Variants in SHKBP1 observed in about 807,000 individuals in gnomAD.
The protein encoded by SHKBP1 is SH3KBP1-binding protein 1.
Under a neutral mutation model 83.9 loss-of-function variants are expected in SHKBP1, and 71 were observed. The ratio of observed to expected loss-of-function variants is 0.85; its 90% confidence interval spans 0.70 to 1.03. SHKBP1 has a LOEUF of 1.03. Among genes scored for constraint, SHKBP1 ranks in the 50% least tolerant of loss-of-function variants. The pLI is 0.00. For synonymous variants in SHKBP1, 371 were observed against 398.0 expected (o/e 0.93, Z 0.81); for missense variants, 824 against 982.4 (o/e 0.84, Z 2.16).
intron 12 of SHKBP1, 125 bp downstream of exon 12, chr19:40,583,842 C>A (rs2081290331): frequency 1.4e-6 from 1 of 727,690 alleles, no homozygotes; most frequent in South Asian, 1.7e-5. Flanking sequence ...ATTCAACTCT[C>A]TCTCATTTTT....
intron 13 of SHKBP1, among the ~76,000 whole-genome samples, chr19:40,587,692 G>T (rs2081323487): frequency 1.3e-5 from 2 of 152,190 alleles, no homozygotes; most frequent in Non-Finnish European, 2.9e-5. Context: ...CTTGAGGCTA[G>T]GAGTGTGAGA....
chr19:40,577,321 G>A, intron 2 of SHKBP1, 37 bp downstream of exon 2: 1 of 1,613,864 alleles, frequency 6.2e-7, no homozygotes, highest in Non-Finnish European at 8.5e-7. Flanking sequence ...AGGGTAGGAG[G>A]GATGGAGAGG....
intron 12 of SHKBP1, among the ~76,000 whole-genome samples, chr19:40,586,371 C>CTTTCT (rs1168631111): frequency 2.1e-5 from 3 of 140,318 alleles, no homozygotes; most frequent in African/African-American, 7.8e-5. Flanking sequence ...TTCTTTCTTT[C>CTTTCT]TTTTTTTTTT....
rs199947662 is a variant in SHKBP1 at position 40,580,600 on chromosome 19, G to A, written c.597G>A (p.Val199=). 6 of 1,614,222 alleles carry A rather than the reference G, an allele frequency of 3.7e-6. No homozygotes were observed. The highest frequency in any genetic ancestry group is 5.1e-6 in the Non-Finnish European group (6 of 1,180,036). Residue 199 remains valine, a synonymous_variant, in exon 8 of 18, where the codon GTG becomes GTA. Transcript: ENST00000291842. The part of the protein sequence containing the change: ...QPEEPGMVRL[V]CGHHNWIAVA... ...AGGAGCCGGGGATGGTGCGCCTGGT[G>A]TGTGGACACCATAATTGGATCGCTG... is the stretch of plus-strand genomic sequence containing the variant.
intron 6 of SHKBP1, 36 bp from the exon 7 acceptor site, chr19:40,580,288 C>T: frequency 6.3e-7 from 1 of 1,584,776 alleles, no homozygotes; most frequent in Non-Finnish European, 8.6e-7. Flanking sequence ...GCCACGATTA[C>T]AATGACTGTT....
At chr19:40,578,266 A>G in intron 5 of SHKBP1, 54 bp downstream of exon 5, 2 of 1,564,008 alleles carry the variant, frequency 1.3e-6, no homozygotes, top group Non-Finnish European at 1.8e-6. Context: ...CAACTCTGTG[A>G]TGCTACCTGC....
intron 13 of SHKBP1, among the ~76,000 whole-genome samples, chr19:40,588,246 G>A (rs2081327585): frequency 6.6e-6 from 1 of 152,200 alleles, no homozygotes; most frequent in Non-Finnish European, 1.5e-5. Flanking sequence ...AGGGCTCCGA[G>A]CAGGGGAGGG....
chr19:40,589,244 A>C, intron 15 of SHKBP1, 66 bp downstream of exon 15: 1 of 1,426,922 alleles, frequency 7.0e-7, no homozygotes, highest in Non-Finnish European at 9.7e-7. Context: ...AGGTCAGGGG[A>C]GAAGGCAAGA....
rs1268030067 is a variant in SHKBP1 at position 40,580,858 on chromosome 19, G to C, written c.766G>C (p.Asp256His). 2 of 1,613,126 alleles carry C rather than the reference G, an allele frequency of 1.2e-6. No homozygotes were observed. Among genetic ancestry groups the C allele is most frequent in the South Asian group, 2.2e-5 (2 of 90,968 alleles). ...GCATGGTGGGGCTTTGGGTGAACAT[G>C]ACAAGATGGTGGCAGCAGCCACCGG... The part of the protein sequence containing the change: ...RVHGGALGEH[D>H]KMVAAATGSE... The change falls in exon 9 of 18, where the codon GAC (aspartate) becomes CAC (histidine). Residue 256 changes from aspartate (D) to histidine (H), a missense_variant. This residue lies in a region of SHKBP1 where 355 missense variants were observed against 386.4 expected (regional missense o/e 0.92). Transcript: ENST00000291842.
Position 40,588,765 on chromosome 19 carries a change from C to T in SHKBP1, c.1478C>T (p.Ala493Val), listed in dbSNP as rs1256146643. 3.7e-6 allele frequency: 6 copies of T among 1,613,504 alleles called. No individual in the cohort carries two copies. Among genetic ancestry groups the T allele is most frequent in the Non-Finnish European group, 5.1e-6 (6 of 1,180,030 alleles). ...ESADGHGGCS[A>V]GNDIGPYGER... is the part of the protein sequence containing the mutation. ...GCAGATGGGCATGGCGGCTGCAGTG[C>T]TGGCAATGACATTGGTGCCTACTGG... The change falls in exon 14 of 18, where the codon GCT becomes GTT. Residue 493 changes from alanine (A) to valine (V), a missense_variant. This residue lies in a region of SHKBP1 where 287 missense variants were observed against 322.9 expected (regional missense o/e 0.89). Transcript: ENST00000291842.
chr19:40,591,104 G>A lies in SHKBP1; in HGVS notation c.2021G>A (p.Gly674Glu). ...VERCQELVRSGPDLRRPPTPA... is the reference protein window; with the variant it reads ...VERCQELVRSEPDLRRPPTPA... ...CGCTGCCAGGAACTGGTGCGGAGTG[G>A]GCCAGACCTCCGACGGCCACCCACA... The change falls in exon 18 of 18, where the codon GGG becomes GAG. Residue 674 changes from glycine (G) to glutamate (E), a missense_variant. By Grantham distance (98) the Gly-to-Glu change is moderately conservative. Coordinates refer to ENST00000291842, the MANE Select transcript of SHKBP1 (RefSeq NM_138392.4). 6.2e-7 allele frequency: 1 copy of A among 1,610,836 alleles called. No homozygotes were observed.
intron 15 of SHKBP1, among the ~76,000 whole-genome samples, 185 bp downstream of exon 15, chr19:40,589,363 G>A (rs905316537): frequency 3.3e-5 from 5 of 149,988 alleles, no homozygotes; most frequent in Non-Finnish European, 5.9e-5. Context: ...GGTATCAAAG[G>A]TGTGACAGGT....
chr19:40,577,326 G>A (rs373079288), intron 2 of SHKBP1, 42 bp downstream of exon 2: 1 of 1,613,786 alleles, frequency 6.2e-7, no homozygotes, highest in African/African-American at 1.3e-5. Context: ...AGGAGGGATG[G>A]AGAGGGCGTG....
At chr19:40,579,929 A>G (rs1011837999) in intron 6 of SHKBP1, among the ~76,000 whole-genome samples, 1 of 144,148 alleles carries the variant, frequency 6.9e-6, no homozygotes, top group African/African-American at 2.6e-5. Flanking sequence ...GCTACTTGGG[A>G]GGCTGAGGCA....
At chr19:40,580,235 G>T in intron 6 of SHKBP1, 89 bp from the exon 7 acceptor site, 1 of 1,456,652 alleles carries the variant, frequency 6.9e-7, no homozygotes. Flanking sequence ...CCACACATGG[G>T]GAAATCAATC....
chr19:40,577,960 C>T, intron 4 of SHKBP1, 194 bp from the exon 5 acceptor site: 1 of 643,126 alleles, frequency 1.6e-6, no homozygotes, highest in Non-Finnish European at 2.8e-6. Flanking sequence ...CACACACACA[C>T]ACACACACAC....
Position 40,589,190 on chromosome 19 carries a change from C to G in SHKBP1, c.1589+12C>G. On this transcript the variant is annotated intron_variant, in intron 15 of 17. Coordinates refer to ENST00000291842, the MANE Select transcript of SHKBP1 (RefSeq NM_138392.4). ...TCTACTGGGCAGCGGTGAGGACAGT[C>G]CTGTCCAACAGGGAGGGAGGACAGT... 1 of 587,088 alleles carries G rather than the reference C, an allele frequency of 1.7e-6. No homozygotes were observed. The highest frequency in any genetic ancestry group is 4.0e-5 in the South Asian group (1 of 24,972). The allele number at this position is 587,088 out of a possible 1,614,324, so 36.4% of individuals were successfully genotyped here. A position where few individuals can be genotyped will look rare whatever the true frequency, so the allele number is the denominator to read the frequency against.
chr19:40,586,769 A>G lies in SHKBP1; in HGVS notation c.1166-5A>G, dbSNP rs748487747. 14 of 1,570,950 alleles carry G rather than the reference A, an allele frequency of 8.9e-6. No individual in the cohort carries two copies. Among genetic ancestry groups the G allele is most frequent in the Non-Finnish European group, 1.1e-5 (13 of 1,153,582 alleles). ...GCCCTCTCCTCATCCTTGGCCCCTC[A>G]CCAGGTGACAGTGGGAACTGGATCG... On this transcript the variant is annotated splice_polypyrimidine_tract_variant and splice_region_variant and intron_variant, in intron 12 of 17. Transcript: ENST00000291842.
Position 40,577,553 on chromosome 19 carries a change from G to C in SHKBP1, c.187-4G>C. ...CATCCATCCTCTGCCCCCCTTTCCC[G>C]CAGATCTTCATCGACAGGGACCCTA... On this transcript the variant is annotated splice_polypyrimidine_tract_variant and splice_region_variant and intron_variant, in intron 3 of 17. Transcript: ENST00000291842. 6.2e-7 allele frequency: 1 copy of C among 1,613,932 alleles called. No homozygotes were observed. The highest frequency in any genetic ancestry group is 8.5e-7 in the Non-Finnish European group (1 of 1,179,982).
Sources: allele counts gnomAD v4.1 joint callset (sites outside exome capture counted in the v4.1 genomes callset), GRCh38; gene constraint gnomAD v4.1.1; regional missense constraint gnomAD v4.1.1; transcripts MANE v1.5; gene names NCBI Gene and HGNC (gene_info 2026-07-23, HGNC 2026-07-21).